The following CD1B variants were observed in gnomAD, a reference collection of about 807,000 sequenced individuals.
CD1B encodes T-cell surface glycoprotein CD1b.
Under a neutral mutation model 39.8 loss-of-function variants are expected in CD1B, and 43 were observed. The observed-to-expected ratio is 1.08, with a 90% confidence interval of 0.85 to 1.39. The LOEUF is 1.39. Among genes scored for constraint, CD1B ranks in the 40% most tolerant of loss-of-function variants. CD1B has a pLI of 0.00. For synonymous variants in CD1B, 192 were observed against 152.5 expected (o/e 1.26, Z -1.91); for missense variants, 495 against 403.8 (o/e 1.23, Z -1.94).
downstream of CD1B, among the ~76,000 whole-genome samples, chr1:158,323,662 C>T (rs902544735): frequency 6.6e-6 from 1 of 152,176 alleles, no homozygotes; most frequent in Non-Finnish European, 1.5e-5. Context: ...TTAAGCAAAC[C>T]TAATGTTAGA....
At chr1:158,297,348 C>G in the CD1B span, among the ~76,000 whole-genome samples, 1 of 152,064 alleles carries the variant, frequency 6.6e-6, no homozygotes, top group South Asian at 2.1e-4. Context: ...ATATCCAGCC[C>G]AAGTAAGATT....
rs1652425357 is a variant in CD1B, at chr1:158,328,053, A to C, written c.*183T>G. On this transcript the variant is annotated 3_prime_UTR_variant, in exon 6 of 6. Coordinates refer to ENST00000368168, the MANE Select transcript of CD1B (RefSeq NM_001764.3). The stretch of plus-strand genomic sequence containing the variant: ...ATCACACTGTTAGTACAGTCTCATA[A>C]TAAATTTACAGTTTTAAGTACTTTT... 1 of 572,794 alleles carries C rather than the reference A, an allele frequency of 1.7e-6. No individual in the cohort carries two copies. The highest frequency in any genetic ancestry group is 2.8e-5 in the East Asian group (1 of 35,122). The allele number at this position is 572,794 out of a possible 1,614,324, so 35.5% of individuals were successfully genotyped here. A position where few individuals can be genotyped will look rare whatever the true frequency, so the allele number is the denominator to read the frequency against.
At chr1:158,312,740 G>C in the CD1B span, among the ~76,000 whole-genome samples, 2 of 152,042 alleles carry the variant, frequency 1.3e-5, no homozygotes, top group East Asian at 1.9e-4. Context: ...AGTGCTCATG[G>C]CTTTTTGATG....
the CD1B span, among the ~76,000 whole-genome samples, chr1:158,313,113 T>G: frequency 1.3e-5 from 2 of 148,882 alleles, no homozygotes; most frequent in Admixed American, 1.3e-4. Context: ...GATTACGTGC[T>G]TTTGTCCTTT....
Position 158,331,222 on chromosome 1 carries a change from C to T in CD1B, c.61+141G>A, listed in dbSNP as rs796626000. The T allele has an allele frequency of 7.4e-6, 8 of 1,078,692 alleles. No homozygotes were observed. In the African/African-American group the frequency reaches 1.3e-4, roughly 17 times the overall value. 66.8% of individuals were successfully genotyped at this position (1,078,692 alleles called of 1,614,324 possible). On this transcript the variant is annotated intron_variant, in intron 1 of 5. Coordinates refer to ENST00000368168, the MANE Select transcript of CD1B (RefSeq NM_001764.3). The stretch of plus-strand genomic sequence containing the variant: ...TGCCTTAAGGCTTCAGGTTCTAGTC[C>T]CAACCACCAGAATGGTTGAAGAGGG...
In CD1B at chr1:158,330,147, G is replaced by A. The variant is rs781055549; in HGVS notation, c.329-17C>T. 6.4e-7 allele frequency: 1 copy of A among 1,572,142 alleles called. No individual in the cohort carries two copies. Reference sequence around the variant, plus strand: ...CAAAGGGGTCTATGTAGAGGGAAAAGAGAGCAAGTTATTAAACACAAATAA... The same window carrying A: ...CAAAGGGGTCTATGTAGAGGGAAAAAAGAGCAAGTTATTAAACACAAATAA... On this transcript the variant is annotated splice_polypyrimidine_tract_variant and intron_variant, in intron 2 of 5. Transcript: ENST00000368168.
the CD1B span, chr1:158,291,051 G>A: frequency 2.1e-6 from 3 of 1,407,716 alleles, no homozygotes; most frequent in Non-Finnish European, 2.9e-6. Context: ...GTGGTAACTG[G>A]TTCACCTTCC....
the CD1B span, chr1:158,292,630 C>G: frequency 2.5e-6 from 4 of 1,613,212 alleles, no homozygotes; most frequent in Non-Finnish European, 3.4e-6. Context: ...GTCGCCCCAG[C>G]CTTGGGTCTG....
At chr1:158,286,713 G>A in the CD1B span, among the ~76,000 whole-genome samples, 1 of 152,194 alleles carries the variant, frequency 6.6e-6, no homozygotes, top group Non-Finnish European at 1.5e-5. Flanking sequence ...TGGAGCAAAG[G>A]AGAGGGAAGT....
At chr1:158,300,876 A>G in the CD1B span, among the ~76,000 whole-genome samples, 14 of 148,580 alleles carry the variant, frequency 9.4e-5, no homozygotes, top group African/African-American at 3.5e-4. Flanking sequence ...CTCCTGCTTG[A>G]GCCTCCTGAG....
chr1:158,292,417 C>A, the CD1B span: 3 of 1,560,040 alleles, frequency 1.9e-6, no homozygotes, highest in South Asian at 1.2e-5. Flanking sequence ...AGTACTGCCC[C>A]TTCTGTTCCC....
the CD1B span, among the ~76,000 whole-genome samples, chr1:158,296,808 G>A: frequency 6.6e-6 from 1 of 152,122 alleles, no homozygotes; most frequent in Admixed American, 6.6e-5. Flanking sequence ...AATACAATTG[G>A]AAGTATTAAA....
At chr1:158,299,265 G>A in the CD1B span, among the ~76,000 whole-genome samples, 1 of 152,128 alleles carries the variant, frequency 6.6e-6, no homozygotes, top group Non-Finnish European at 1.5e-5. Flanking sequence ...TGCATCTATT[G>A]AGATAATGAT....
At chr1:158,318,224 C>T in the CD1B span, among the ~76,000 whole-genome samples, 1 of 152,172 alleles carries the variant, frequency 6.6e-6, no homozygotes, top group Non-Finnish European at 1.5e-5. Context: ...TCCTTGTTGA[C>T]TTTCTGTCTT....
chr1:158,302,182 G>T, the CD1B span, among the ~76,000 whole-genome samples: 3 of 152,018 alleles, frequency 2.0e-5, no homozygotes, highest in African/African-American at 7.2e-5. Flanking sequence ...AACAATTTCT[G>T]GTCCTGAAAG....
the CD1B span, among the ~76,000 whole-genome samples, chr1:158,300,732 T>G: frequency 3.3e-5 from 5 of 151,692 alleles, no homozygotes; most frequent in Non-Finnish European, 7.4e-5. Flanking sequence ...TACCATTATG[T>G]AATGGCCTTC....
the CD1B span, among the ~76,000 whole-genome samples, chr1:158,315,530 T>C: frequency 2.0e-5 from 3 of 151,936 alleles, no homozygotes; most frequent in Non-Finnish European, 4.4e-5. Flanking sequence ...TAAATTTGTT[T>C]GAGTTCATTG....
chr1:158,325,506 A>T (rs1652319762), downstream of CD1B, among the ~76,000 whole-genome samples: 1 of 152,204 alleles, frequency 6.6e-6, no homozygotes, highest in Non-Finnish European at 1.5e-5. Context: ...AAAAACATTT[A>T]AAAATAAAGA....
At chr1:158,303,343 T>A in the CD1B span, among the ~76,000 whole-genome samples, 8 of 152,164 alleles carry the variant, frequency 5.3e-5, no homozygotes, top group Admixed American at 2.0e-4. Flanking sequence ...AAACAAAAGC[T>A]TGAAGCATTC....
Sources: gnomAD v4.1 joint callset for allele counts (sites outside exome capture counted in the v4.1 genomes callset) on GRCh38, gnomAD v4.1.1 for gene constraint, MANE v1.5 for transcripts, NCBI Gene and HGNC (gene_info 2026-07-23, HGNC 2026-07-21) for gene names.